Variants in TSACC observed in about 807,000 individuals in gnomAD.
The protein encoded by TSACC is TSSK6-activating co-chaperone protein.
TSACC carries 3 observed loss-of-function variants against 6.9 expected under a neutral mutation model. The ratio of observed to expected loss-of-function variants is 0.43; its 90% CI spans 0.20 to 1.12. TSACC has a LOEUF of 1.12. Ranked by LOEUF, TSACC falls within the 50% of genes most tolerant of loss-of-function variation. TSACC has a pLI of 0.28. For synonymous variants in TSACC, 54 were observed against 55.1 expected, an observed-to-expected ratio of 0.98 and a Z score of 0.09; for missense variants, 137 against 143.9, an observed-to-expected ratio of 0.95 and a Z score of 0.24.
Position 156,338,614 on chromosome 1 carries a change from G to A in TSACC, c.-125+9G>A. 1 of 222,454 alleles carries A rather than the reference G, an allele frequency of 4.5e-6. No individual in the cohort carries two copies. The highest frequency in any genetic ancestry group is 7.5e-5 in the South Asian group (1 of 13,372). 13.8% of individuals were successfully genotyped at this position (222,454 alleles called of 1,614,324 possible). A position where few individuals can be genotyped will look rare whatever the true frequency, so the allele number is the denominator to read the frequency against. ...TTCGGTTAACACCGCAGGTGAGGTC[G>A]TTAAACTGTGTATTGCGACTCGGCT... is the stretch of plus-strand genomic sequence containing the variant. On this transcript the variant is annotated intron_variant, in intron 1 of 3. Transcript: ENST00000368254.
chr1:156,340,307 T>G lies in TSACC; in HGVS notation c.34+516T>G, dbSNP rs1665795538. 3.3e-5 allele frequency among the ~76,000 whole-genome samples: 5 copies of G among 151,862 alleles called. No individual in the cohort carries two copies. In the South Asian group the frequency reaches 1.0e-3, roughly 32 times the overall value. On this transcript the variant is annotated intron_variant, in intron 2 of 3. Coordinates refer to ENST00000368254, the MANE Select transcript of TSACC (RefSeq NM_001304817.2). ...CTGAGTAGCTGGGACTGCAGGCACCTGCCACCATGCCCGGCTAATTTTTTT... is the reference window on the plus strand; with the variant it reads ...CTGAGTAGCTGGGACTGCAGGCACCGGCCACCATGCCCGGCTAATTTTTTT...
intron 3 of TSACC, 29 bp downstream of exon 3, chr1:156,344,737 G>T: frequency 6.2e-7 from 1 of 1,610,658 alleles, no homozygotes; most frequent in South Asian, 1.1e-5. Context: ...TTTTCTAATG[G>T]ACTCAACAGG....
intron 2 of TSACC, among the ~76,000 whole-genome samples, chr1:156,344,091 G>C (rs529297961): frequency 6.6e-6 from 1 of 152,258 alleles, no homozygotes; most frequent in South Asian, 2.1e-4. Context: ...AAAGGAGGTA[G>C]AGTTCTCTCG....
upstream of TSACC, chr1:156,338,460 C>T (rs1010770982): frequency 1.7e-5 from 9 of 545,044 alleles, no homozygotes; most frequent in Admixed American, 3.2e-5. Context: ...CAGGCGCTTG[C>T]GCAGTAGGGT....
intron 3 of TSACC, among the ~76,000 whole-genome samples, chr1:156,346,408 G>A (rs1002896083): frequency 6.6e-6 from 1 of 152,064 alleles, no homozygotes. Flanking sequence ...ATTTTTCTAG[G>A]TGCTAGGGTT....
upstream of TSACC, chr1:156,337,462 C>A (rs750643584): frequency 1.7e-5 from 3 of 172,230 alleles, no homozygotes; most frequent in Non-Finnish European, 2.5e-5. Context: ...GGTGACCAGT[C>A]GAGAAATCTG....
upstream of TSACC, chr1:156,338,326 T>C (rs1310282462): frequency 1.3e-6 from 1 of 759,156 alleles, no homozygotes; most frequent in African/African-American, 1.7e-5. Flanking sequence ...TAGTCGCCAA[T>C]CACCGCACCC....
chr1:156,341,669 T>C (rs1173819597), intron 2 of TSACC, among the ~76,000 whole-genome samples: 1 of 152,214 alleles, frequency 6.6e-6, no homozygotes. Context: ...AGAGTGTGTG[T>C]AAAGCAGTCT....
chr1:156,345,363 G>T (rs1179025152), intron 3 of TSACC, among the ~76,000 whole-genome samples: 1 of 152,104 alleles, frequency 6.6e-6, no homozygotes, highest in East Asian at 1.9e-4. Flanking sequence ...AGGAGCTTCA[G>T]ACCAGCCTGA....
At chr1:156,339,203 G>A (rs1185113351) in intron 1 of TSACC, among the ~76,000 whole-genome samples, 2 of 151,888 alleles carry the variant, frequency 1.3e-5, no homozygotes, top group Non-Finnish European at 1.5e-5. Context: ...GACGGAGGTT[G>A]CAGTGAGCCG....
intron 2 of TSACC, among the ~76,000 whole-genome samples, chr1:156,342,512 G>A (rs1227157215): frequency 1.3e-5 from 2 of 152,166 alleles, no homozygotes; most frequent in Admixed American, 6.5e-5. Flanking sequence ...TGCCCTCTGA[G>A]TAAAGAACAA....
upstream of TSACC, chr1:156,338,455 G>T: frequency 1.8e-6 from 1 of 555,672 alleles, no homozygotes; most frequent in Non-Finnish European, 3.2e-6. Context: ...GGGCACAGGC[G>T]CTTGCGCAGT....
chr1:156,343,287 T>C (rs1177674568), intron 2 of TSACC, among the ~76,000 whole-genome samples: 4 of 152,154 alleles, frequency 2.6e-5, no homozygotes, highest in African/African-American at 7.2e-5. Context: ...ACTTGTGCAG[T>C]TGGGAGAGAT....
upstream of TSACC, chr1:156,338,057 G>A (rs1417502173): frequency 2.3e-6 from 3 of 1,329,838 alleles, no homozygotes; most frequent in Non-Finnish European, 3.2e-6. Flanking sequence ...AAGGCTCAGT[G>A]GCCCGGTCAG....
At chr1:156,346,358 C>T (rs1666178294) in intron 3 of TSACC, among the ~76,000 whole-genome samples, 1 of 152,046 alleles carries the variant, frequency 6.6e-6, no homozygotes, top group South Asian at 2.1e-4. Context: ...CCCTCCCAGA[C>T]CATTTCATTC....
At chr1:156,340,110 C>T (rs1414423983) in intron 2 of TSACC, among the ~76,000 whole-genome samples, 1 of 152,198 alleles carries the variant, frequency 6.6e-6, no homozygotes, top group African/African-American at 2.4e-5. Context: ...ATCCACTTAA[C>T]TTTAGCTGGA....
At chr1:156,339,412 C>T (rs1470784064) in intron 1 of TSACC, among the ~76,000 whole-genome samples, 1 of 152,032 alleles carries the variant, frequency 6.6e-6, no homozygotes, top group Non-Finnish European at 1.5e-5. Context: ...ACTTATCATA[C>T]CGTGGAAATT....
intron 3 of TSACC, 51 bp from the exon 4 acceptor site, chr1:156,346,717 C>T: frequency 6.3e-7 from 1 of 1,579,148 alleles, no homozygotes; most frequent in Non-Finnish European, 8.7e-7. Context: ...GTACAATTAC[C>T]AAATCTCTCT....
chr1:156,339,712 C>A lies in TSACC; in HGVS notation c.-46C>A, dbSNP rs1205175833. ...AATACTAACATGGATTGTTGATCAT[C>A]TGATGCTATGATTCTTTCCCAGGCA... On this transcript the variant is annotated 5_prime_UTR_variant, in exon 2 of 4. The change creates a new upstream start codon in the 5' untranslated region. Coordinates refer to ENST00000368254, the MANE Select transcript of TSACC (RefSeq NM_001304817.2). The A allele has an allele frequency of 1.2e-6, 2 of 1,611,522 alleles. No individual in the cohort carries two copies.
Sources: allele counts gnomAD v4.1 joint callset (sites outside exome capture counted in the v4.1 genomes callset), GRCh38; gene constraint gnomAD v4.1.1; transcripts MANE v1.5; gene names NCBI Gene and HGNC (gene_info 2026-07-23, HGNC 2026-07-21).